OTOG: variants seen among roughly 807,000 people sequenced by gnomAD.
The protein encoded by OTOG is otogelin.
Under a neutral mutation model 313.8 loss-of-function variants are expected in OTOG, and 296 were observed. The observed-to-expected ratio is 0.94, with a 90% CI of 0.86 to 1.04. The LOEUF (loss-of-function observed/expected upper bound fraction) is 1.04, where lower values mean the gene tolerates loss of function less well. Ranked by LOEUF, OTOG falls within the 50% of genes least tolerant of loss-of-function variation. OTOG has a pLI of 0.00. For synonymous variants in OTOG, 1,533 were observed against 1,554.9 expected (o/e 0.99, Z 0.33); for missense variants, 3,948 against 3,840.1 (o/e 1.03, Z -0.74).
intron 8 of OTOG, 72 bp from the exon 9 acceptor site, chr11:17,558,113 T>A: frequency 6.6e-7 from 1 of 1,521,812 alleles, no homozygotes; most frequent in South Asian, 1.2e-5. Flanking sequence ...CCGCTTTCCC[T>A]CAGAGCCTTC....
chr11:17,634,176 G>A lies in OTOG; in HGVS notation c.7375G>A (p.Val2459Met). Residue 2459 changes from valine (V) to methionine (M), a missense_variant, in exon 44 of 56, where the codon GTG becomes ATG. Transcript: ENST00000399397. ...CCAAGCCCCAGACACCATTGTCCCGGTGGATCTGGGCTGCCCCAGTCCCCG... is the reference window on the plus strand; with the variant it reads ...CCAAGCCCCAGACACCATTGTCCCGATGGATCTGGGCTGCCCCAGTCCCCG... ...QCQAPDTIVP[V>M]DLGCPSPRPE... The A allele has an allele frequency of 6.5e-7, 1 of 1,550,314 alleles. No homozygotes were observed. The highest frequency in any genetic ancestry group is 8.7e-7 in the Non-Finnish European group (1 of 1,146,950).
Position 17,603,158 on chromosome 11 carries a change from G to A in OTOG, c.3877+781G>A, listed in dbSNP as rs539586523. Reference sequence around the variant, plus strand: ...ATCCCTAGCTATAGGTGATGTTCACGGTGGTGTGAGCCTGGGTGAGGTAGG... The same window carrying A: ...ATCCCTAGCTATAGGTGATGTTCACAGTGGTGTGAGCCTGGGTGAGGTAGG... On this transcript the variant is annotated intron_variant, in intron 32 of 55. Transcript: ENST00000399397. Among the ~76,000 whole-genome samples, 5 of 152,272 alleles carry A rather than the reference G, an allele frequency of 3.3e-5. No individual in the cohort carries two copies. In the South Asian group the frequency reaches 6.2e-4, roughly 19 times the overall value.
At chr11:17,577,645 G>T (rs930853088) in intron 22 of OTOG, among the ~76,000 whole-genome samples, 5 of 152,106 alleles carry the variant, frequency 3.3e-5, no homozygotes, top group African/African-American at 1.2e-4. Context: ...TCCTCCCCAT[G>T]TTTTGTGTAT....
chr11:17,644,774 G>T (rs867971620), intron 54 of OTOG, among the ~76,000 whole-genome samples: 4 of 152,238 alleles, frequency 2.6e-5, no homozygotes, highest in Middle Eastern at 6.8e-3. Flanking sequence ...GATTCACATC[G>T]TAATTACCGA....
At chr11:17,609,570 A>T in intron 35 of OTOG, 85 bp from the exon 36 acceptor site, 1 of 1,255,594 alleles carries the variant, frequency 8.0e-7, no homozygotes, top group Non-Finnish European at 1.1e-6. Flanking sequence ...GCCAGTCCTC[A>T]AGCCTCACAC....
In OTOG at chr11:17,642,205, C is replaced by G. The variant is rs1411265226; in HGVS notation, c.8374C>G (p.Pro2792Ala). The G allele has an allele frequency of 2.5e-5, 39 of 1,550,146 alleles. No individual in the cohort carries two copies. The South Asian group carries it at 2.9e-4, about 11-fold the overall frequency. ...TPLGAVLVRS[P>A]ISCPPLNETE... ...CCTGGGTGCCGTGCTGGTCCGCTCT[C>G]CCATAAGCTGCCCACCGCTCAATGA... Residue 2792 changes from proline (P) to alanine (A), a missense_variant, in exon 53 of 56, where the codon CCC becomes GCC. By Grantham distance (27) the Pro-to-Ala change is conservative. Transcript: ENST00000399397.
chr11:17,558,470 G>A, intron 9 of OTOG, 68 bp from the exon 10 acceptor site: 1 of 1,534,322 alleles, frequency 6.5e-7, no homozygotes, highest in Non-Finnish European at 8.8e-7. Flanking sequence ...AGCTCAAGTT[G>A]GGGTTCTGTG....
At position 17,610,432 on chromosome 11, in the gene OTOG, C is replaced by T. The variant is rs374434360; in HGVS notation, c.5132C>T (p.Pro1711Leu). The T allele has an allele frequency of 2.6e-6, 4 of 1,550,468 alleles. No individual in the cohort carries two copies. The African/African-American group carries it at 4.1e-5, about 16-fold the overall frequency. Residue 1711 changes from proline to leucine, a missense_variant, in exon 36 of 56, where the codon CCC becomes CTC. Physicochemically the swap from Pro to Leu is moderately conservative, Grantham distance 98 (BLOSUM62 -3). Transcript: ENST00000399397. ...GTAAEQVPVSPLATRSLEIVL... is the reference protein window; with the variant it reads ...GTAAEQVPVSLLATRSLEIVL... ...GCAGCAGAACAGGTTCCTGTCAGTCCCCTTGCAACCAGGAGCTTGGAGATA... is the reference window on the plus strand; with the variant it reads ...GCAGCAGAACAGGTTCCTGTCAGTCTCCTTGCAACCAGGAGCTTGGAGATA...
intron 32 of OTOG, among the ~76,000 whole-genome samples, chr11:17,605,656 C>A (rs1477006085): frequency 6.6e-6 from 1 of 151,936 alleles, no homozygotes; most frequent in African/African-American, 2.4e-5. Flanking sequence ...AGCCTCCGCT[C>A]GCCCTCAGGC....
At chr11:17,604,763 A>G (rs549637627) in intron 32 of OTOG, among the ~76,000 whole-genome samples, 89 of 152,352 alleles carry the variant, frequency 5.8e-4, no homozygotes, top group Non-Finnish European at 1.1e-3. Flanking sequence ...TTGCTGCTGA[A>G]TGAAGATATT....
At chr11:17,552,156 G>A in intron 4 of OTOG, 81 bp downstream of exon 4, 1 of 1,384,528 alleles carries the variant, frequency 7.2e-7, no homozygotes, top group East Asian at 2.5e-5. Flanking sequence ...AGGGCAGGTG[G>A]GGCTTCCCTC....
chr11:17,627,420 C>T (rs1854012084), intron 39 of OTOG, among the ~76,000 whole-genome samples: 1 of 152,044 alleles, frequency 6.6e-6, no homozygotes, highest in African/African-American at 2.4e-5. Context: ...TGATGTATCA[C>T]TTTGATTTGC....
chr11:17,626,611 A>G (rs551083958), intron 39 of OTOG, among the ~76,000 whole-genome samples: 2 of 152,282 alleles, frequency 1.3e-5, no homozygotes, highest in African/African-American at 4.8e-5. Flanking sequence ...TGGGTCTTTT[A>G]TAATTCCATG....
chr11:17,609,021 G>A (rs1565115682), intron 34 of OTOG, 109 bp from the exon 35 acceptor site: 2 of 825,432 alleles, frequency 2.4e-6, no homozygotes, highest in Non-Finnish European at 3.9e-6. Context: ...GCACATGTGT[G>A]CACGCACATG....
intron 46 of OTOG, 130 bp downstream of exon 46, chr11:17,635,317 A>C: frequency 1.4e-6 from 1 of 720,896 alleles, no homozygotes; most frequent in Non-Finnish European, 2.3e-6. Context: ...GGAGAAGGAC[A>C]AGCTCACTGT....
chr11:17,625,723 T>A (rs747639652), intron 39 of OTOG, among the ~76,000 whole-genome samples: 2 of 152,254 alleles, frequency 1.3e-5, no homozygotes, highest in Non-Finnish European at 2.9e-5. Flanking sequence ...ATGTATGGTT[T>A]GCAAATATTT....
chr11:17,609,674 G>A lies in OTOG; in HGVS notation c.4374G>A (p.Trp1458Ter). ...CCGCAGGTGTGGAGCCAGCAGTTTG[G>A]GTTCCCACAGAGGCCCTTGGCAATG... is the stretch of plus-strand genomic sequence containing the variant. ...YLEDCVEPAV[W>*]VPTEALGNET... Residue 1458 changes from tryptophan to a stop codon, truncating the protein, a stop_gained, in exon 36 of 56, where the codon TGG becomes TGA. Transcript: ENST00000399397. LOFTEE classifies it high-confidence loss of function. 1 of 1,495,072 alleles carries A rather than the reference G, an allele frequency of 6.7e-7. No homozygotes were observed. Among genetic ancestry groups the A allele is most frequent in the Non-Finnish European group, 8.9e-7 (1 of 1,118,212 alleles). The allele number at this position is 1,495,072 out of a possible 1,614,324, so 92.6% of individuals were successfully genotyped here.
At position 17,567,512 on chromosome 11, in the gene OTOG, T is replaced by C. The variant is rs533533444; in HGVS notation, c.1645-1644T>C. On this transcript the variant is annotated intron_variant, in intron 15 of 55. Coordinates refer to ENST00000399397, the MANE Select transcript of OTOG (RefSeq NM_001292063.2). ...CTTGAACTTTTTAAAAAATTATTTT[T>C]ATTTTTTATTTTTGTAGAGACAGGG... 7.9e-5 allele frequency among the ~76,000 whole-genome samples: 12 copies of C among 152,354 alleles called. No individual in the cohort carries two copies. In the East Asian group the frequency reaches 1.9e-3, roughly 24 times the overall value.
chr11:17,551,934 A>T, intron 3 of OTOG, 66 bp from the exon 4 acceptor site: 2 of 1,422,214 alleles, frequency 1.4e-6, no homozygotes, highest in Non-Finnish European at 1.9e-6. Flanking sequence ...GGCCACCAGG[A>T]AGCCTGCCTG....
Sources: allele counts gnomAD v4.1 joint callset (sites outside exome capture counted in the v4.1 genomes callset), GRCh38; gene constraint gnomAD v4.1.1; transcripts MANE v1.5; gene names NCBI Gene and HGNC (gene_info 2026-07-23, HGNC 2026-07-21).